The following PAPPA2 variants were observed in gnomAD, a reference collection of about 807,000 sequenced individuals.
PAPPA2 encodes pappalysin-2.
Under a neutral mutation model 176.4 loss-of-function variants are expected in PAPPA2, and 86 were observed. The observed-to-expected ratio is 0.49, with a 90% CI of 0.41 to 0.58. The LOEUF (loss-of-function observed/expected upper bound fraction) is 0.58, where lower values mean the gene tolerates loss of function less well. Among genes scored for constraint, PAPPA2 ranks in the 20% least tolerant of loss-of-function variants. The pLI is 0.00. For missense variants in PAPPA2, 2,073 were observed against 2,256.9 expected, an observed-to-expected ratio of 0.92 and a Z score of 1.65; for synonymous variants, 809 against 852.2, an observed-to-expected ratio of 0.95 and a Z score of 0.88.
intron 2 of PAPPA2, among the ~76,000 whole-genome samples, chr1:176,578,222 C>A (rs984569035): frequency 2.0e-5 from 3 of 152,198 alleles, no homozygotes; most frequent in African/African-American, 7.2e-5. Context: ...GAAAAGCTGT[C>A]AATAAGATTT....
intron 2 of PAPPA2, among the ~76,000 whole-genome samples, chr1:176,579,471 A>G (rs1573070909): frequency 6.6e-6 from 1 of 152,160 alleles, no homozygotes; most frequent in East Asian, 1.9e-4. Context: ...GTAATGGCCA[A>G]CAGGGAGACA....
At position 176,840,398 on chromosome 1, in the gene PAPPA2, G is replaced by A. The variant is rs775358845; in HGVS notation, c.5301+127G>A. On this transcript the variant is annotated intron_variant, in intron 22 of 22. Coordinates refer to ENST00000367662, the MANE Select transcript of PAPPA2 (RefSeq NM_020318.3). ...TCAACAATTAGGAGGGAATTATAATGAACAAACATTGGAGCTTCTAAAGTG... is the reference window on the plus strand; with the variant it reads ...TCAACAATTAGGAGGGAATTATAATAAACAAACATTGGAGCTTCTAAAGTG... The A allele has an allele frequency of 2.1e-4, 156 of 726,080 alleles. 2 individuals carry two copies. Among genetic ancestry groups the A allele is most frequent in the Middle Eastern group, 3.7e-4 (1 of 2,718 alleles). 45.0% of individuals were successfully genotyped at this position (726,080 alleles called of 1,614,324 possible).
intron 21 of PAPPA2, among the ~76,000 whole-genome samples, chr1:176,820,595 A>G (rs950701545): frequency 6.6e-6 from 1 of 152,146 alleles, no homozygotes; most frequent in African/African-American, 2.4e-5. Context: ...TGTGCCAGCC[A>G]CATGTCATGC....
intron 17 of PAPPA2, among the ~76,000 whole-genome samples, chr1:176,785,443 G>A (rs780142721): frequency 1.3e-5 from 2 of 152,078 alleles, no homozygotes; most frequent in Non-Finnish European, 2.9e-5. Context: ...ATGGAGAGAC[G>A]GCAGTGCAAA....
chr1:176,672,080 TA>T, intron 4 of PAPPA2, among the ~76,000 whole-genome samples: 1 of 150,360 alleles, frequency 6.7e-6, no homozygotes, highest in Admixed American at 6.6e-5. Context: ...AATAAAAAAA[TA>T]AAAAATAAAA....
At chr1:176,503,502 T>A (rs2294645) in intron 1 of PAPPA2, among the ~76,000 whole-genome samples, 1 of 151,984 alleles carries the variant, frequency 6.6e-6, no homozygotes, top group African/African-American at 2.4e-5. Flanking sequence ...CCATTCTTCT[T>A]TCTCCCACAT....
At position 176,707,350 on chromosome 1, in the gene PAPPA2, C is replaced by T. The variant is rs1176598781; in HGVS notation, c.3457+900C>T. On this transcript the variant is annotated intron_variant, in intron 10 of 22. Transcript: ENST00000367662. The stretch of plus-strand genomic sequence containing the variant: ...TGAATCATAGAATGTTGGTGGTCCT[C>T]TCTCCATAAATTCATCCATCCATCC... Among the ~76,000 whole-genome samples the T allele has an allele frequency of 9.3e-4, 142 of 152,072 alleles. 5 individuals are homozygous for T. Among genetic ancestry groups the T allele is most frequent in the Admixed American group, 9.3e-3 (142 of 15,260 alleles).
chr1:176,755,907 C>T (rs1177418024), intron 14 of PAPPA2, among the ~76,000 whole-genome samples: 1 of 151,908 alleles, frequency 6.6e-6, no homozygotes, highest in Non-Finnish European at 1.5e-5. Flanking sequence ...ATATTGTAAG[C>T]TAGAGAAAAA....
intron 10 of PAPPA2, among the ~76,000 whole-genome samples, chr1:176,709,414 A>T (rs1167525494): frequency 6.6e-6 from 1 of 152,112 alleles, no homozygotes; most frequent in Non-Finnish European, 1.5e-5. Flanking sequence ...ACTAAAAAAA[A>T]ATTAATAACA....
intron 2 of PAPPA2, among the ~76,000 whole-genome samples, chr1:176,565,399 TA>T (rs1370555760): frequency 1.3e-5 from 2 of 152,154 alleles, no homozygotes; most frequent in East Asian, 3.9e-4. Context: ...TCTGACCCTC[TA>T]AAATGAAATG....
chr1:176,594,493 T>C (rs780374948), intron 2 of PAPPA2, 31 bp from the exon 3 acceptor site: 5 of 1,568,372 alleles, frequency 3.2e-6, no homozygotes, highest in Non-Finnish European at 4.4e-6. Flanking sequence ...CTGGTATCTG[T>C]CTCTTCCCTC....
intron 14 of PAPPA2, among the ~76,000 whole-genome samples, chr1:176,750,983 T>C (rs886779693): frequency 2.0e-5 from 3 of 152,074 alleles, no homozygotes; most frequent in African/African-American, 4.8e-5. Context: ...GGTCTAACGT[T>C]TAAATCTTTA....
At chr1:176,571,818 A>T (rs6671048) in intron 2 of PAPPA2, among the ~76,000 whole-genome samples, 21,389 of 152,280 alleles carry the variant, frequency 0.14, 1,566 homozygotes, top group Middle Eastern at 0.2. Context: ...TGATTACAAG[A>T]TAAATTCAAA....
intron 1 of PAPPA2, among the ~76,000 whole-genome samples, chr1:176,506,050 A>G (rs1227490505): frequency 6.6e-6 from 1 of 152,200 alleles, no homozygotes. Context: ...ACCCAATTTC[A>G]TTCTTCTGTG....
At chr1:176,723,733 A>G (rs1475559554) in intron 12 of PAPPA2, among the ~76,000 whole-genome samples, 4 of 152,186 alleles carry the variant, frequency 2.6e-5, no homozygotes, top group Non-Finnish European at 5.9e-5. Context: ...TACTGAAATA[A>G]TACTCTTAGT....
chr1:176,775,454 A>G (rs1306177659), intron 17 of PAPPA2, among the ~76,000 whole-genome samples: 2 of 152,206 alleles, frequency 1.3e-5, no homozygotes, highest in Non-Finnish European at 2.9e-5. Flanking sequence ...TCTCAACAAC[A>G]TAGAAAGAAA....
At chr1:176,509,856 A>G (rs1377390021) in intron 1 of PAPPA2, among the ~76,000 whole-genome samples, 1 of 142,910 alleles carries the variant, frequency 7.0e-6, no homozygotes, top group Non-Finnish European at 1.5e-5. Context: ...CAAAACAAAC[A>G]AACAAAAAAA....
intron 1 of PAPPA2, among the ~76,000 whole-genome samples, chr1:176,518,537 G>A (rs1444374508): frequency 6.6e-6 from 1 of 151,826 alleles, no homozygotes; most frequent in Non-Finnish European, 1.5e-5. Context: ...GGGTTTGAAA[G>A]GAAGCTAAAC....
At chr1:176,599,985 T>C (rs1305087684) in intron 3 of PAPPA2, among the ~76,000 whole-genome samples, 1 of 151,990 alleles carries the variant, frequency 6.6e-6, no homozygotes, top group African/African-American at 2.4e-5. Context: ...CCCTATCCTA[T>C]TTTTTGTGTT....
Sources: gnomAD v4.1 joint callset for allele counts (sites outside exome capture counted in the v4.1 genomes callset) on GRCh38, gnomAD v4.1.1 for gene constraint, MANE v1.5 for transcripts, NCBI Gene and HGNC (gene_info 2026-07-23, HGNC 2026-07-21) for gene names.